Variants in FKBP15 observed in about 807,000 individuals in gnomAD.
FKBP15 encodes the protein FK506-binding protein 15.
FKBP15 carries 106 observed loss-of-function variants against 158.1 expected under a neutral mutation model. The ratio of observed to expected loss-of-function variants is 0.67; its 90% confidence interval spans 0.57 to 0.79. The LOEUF (loss-of-function observed/expected upper bound fraction) is 0.79. Ranked by LOEUF, FKBP15 falls within the 30% of genes least tolerant of loss-of-function variation. The pLI is 0.00. For missense variants in FKBP15, 1,287 were observed against 1,479.1 expected, an observed-to-expected ratio of 0.87 and a Z score of 2.13; for synonymous variants, 547 against 548.6, an observed-to-expected ratio of 1.00 and a Z score of 0.04.
At chr9:113,212,377 C>T (rs10817459) in intron 1 of FKBP15, among the ~76,000 whole-genome samples, 11,633 of 151,906 alleles carry the variant, frequency 0.077, 556 homozygotes, top group South Asian at 0.14. Context: ...TTAGTAGAGA[C>T]GGGGTTTCAC....
At position 113,169,748 on chromosome 9, in the gene FKBP15, C is replaced by T. The variant is rs1341401555; in HGVS notation, c.2961G>A (p.Val987=). ...PESPMVPSEQ[V]VEEAVPLPPQ... ...GAGGCAACGGGACAGCTTCCTCGAC[C>T]ACCTGCTCTGAGGGCACCATGGGGG... Residue 987 remains valine (V), a synonymous_variant, in exon 26 of 28, where the codon GTG becomes GTA. Coordinates refer to ENST00000238256, the MANE Select transcript of FKBP15 (RefSeq NM_015258.2). The T allele has an allele frequency of 1.9e-6, 3 of 1,611,512 alleles. No homozygotes were observed. The highest frequency in any genetic ancestry group is 1.3e-5 in the African/African-American group (1 of 74,884).
chr9:113,187,756 AT>A, intron 14 of FKBP15, 36 bp downstream of exon 14: 1 of 1,504,608 alleles, frequency 6.6e-7, no homozygotes, highest in African/African-American at 1.4e-5. Flanking sequence ...ACCACAGCAA[AT>A]TATAGGATAT....
rs1830018031 is a variant in FKBP15, at chr9:113,161,786, C to T, written c.*4292G>A. The T allele has an allele frequency of 1.4e-6, 2 of 1,422,532 alleles. No homozygotes were observed. The highest frequency in any genetic ancestry group is 9.8e-7 in the Non-Finnish European group (1 of 1,016,874). 88.1% of individuals were successfully genotyped at this position (1,422,532 alleles called of 1,614,324 possible). A position where few individuals can be genotyped will look rare whatever the true frequency, so the allele number is the denominator to read the frequency against. On this transcript the variant is annotated 3_prime_UTR_variant, in exon 28 of 28. Transcript: ENST00000238256. The stretch of plus-strand genomic sequence containing the variant: ...CCCAGACAGCATTAGCCCCACTTCA[C>T]AGAGAGGACAGCGAGGCCCAGGGAA...
chr9:113,163,127 G>A lies in FKBP15; in HGVS notation c.*2951C>T. The A allele has an allele frequency of 2.1e-6, 1 of 465,246 alleles. No homozygotes were observed. Among genetic ancestry groups the A allele is most frequent in the Admixed American group, 3.9e-5 (1 of 25,646 alleles). The allele number at this position is 465,246 out of a possible 1,614,324, so 28.8% of individuals were successfully genotyped here. The stretch of plus-strand genomic sequence containing the variant: ...CTCAGCCAGCCTACGTAGGGCCCAG[G>A]CATGGTCTTGTGTCTTAAGACAGCT... On this transcript the variant is annotated 3_prime_UTR_variant, in exon 28 of 28. Coordinates refer to ENST00000238256, the MANE Select transcript of FKBP15 (RefSeq NM_015258.2).
intron 21 of FKBP15, among the ~76,000 whole-genome samples, chr9:113,176,149 T>C (rs533856128): frequency 2.0e-5 from 3 of 152,328 alleles, no homozygotes; most frequent in African/African-American, 7.2e-5. Flanking sequence ...CAAATTATGG[T>C]ACAGCCTCAT....
chr9:113,169,491 T>A lies in FKBP15; in HGVS notation c.3218A>T (p.Asn1073Ile), dbSNP rs1830164800. ...AASPMAAKPD[N>I]PSGKVCVREV... ...CCTGACACAGACCTTTCCTGATGGGTTGTCGGGCTTAGCTGCCATTGGGCT... is the reference window on the plus strand; with the variant it reads ...CCTGACACAGACCTTTCCTGATGGGATGTCGGGCTTAGCTGCCATTGGGCT... Residue 1073 changes from asparagine (N) to isoleucine (I), a missense_variant, in exon 26 of 28, where the codon AAC becomes ATC. Asn to Ile is a moderately radical substitution (Grantham distance 149, BLOSUM62 -3). Transcript: ENST00000238256. The A allele has an allele frequency of 3.1e-6, 5 of 1,613,884 alleles. No individual in the cohort carries two copies. In the East Asian group the frequency reaches 1.1e-4, roughly 36 times the overall value.
chr9:113,208,266 G>A (rs1436453983), intron 2 of FKBP15, among the ~76,000 whole-genome samples: 1 of 152,126 alleles, frequency 6.6e-6, no homozygotes. Flanking sequence ...GAGCCTGGGA[G>A]GCAGAGGTTG....
At chr9:113,202,844 C>T (rs1383999492) in intron 5 of FKBP15, 117 bp downstream of exon 5, 3 of 898,622 alleles carry the variant, frequency 3.3e-6, no homozygotes, top group Non-Finnish European at 5.2e-6. Flanking sequence ...GTTAGATACT[C>T]ACAAGGACAC....
chr9:113,181,551 T>G (rs1169391800), intron 19 of FKBP15, among the ~76,000 whole-genome samples: 1 of 152,188 alleles, frequency 6.6e-6, no homozygotes, highest in Non-Finnish European at 1.5e-5. Flanking sequence ...CTAGATAAAC[T>G]AAATTAGAAT....
intron 12 of FKBP15, among the ~76,000 whole-genome samples, chr9:113,189,820 A>G (rs1314284363): frequency 1.3e-5 from 2 of 152,198 alleles, no homozygotes; most frequent in Non-Finnish European, 2.9e-5. Flanking sequence ...GTTAAAATTA[A>G]GTTACTTTAT....
Position 113,199,919 on chromosome 9 carries a change from C to T in FKBP15, c.543G>A (p.Val181=), listed in dbSNP as rs1229214163. 6.2e-7 allele frequency: 1 copy of T among 1,613,390 alleles called. No individual in the cohort carries two copies. Among genetic ancestry groups the T allele is most frequent in the Non-Finnish European group, 8.5e-7 (1 of 1,179,630 alleles). The part of the protein sequence containing the change: ...KCNSTSSLDA[V]LSQDLIVADG... ...CTGCCACAATGAGGTCCTGGGAGAG[C>T]ACTGCATCCAGGGAAGAGGTACTGT... Residue 181 remains valine, a synonymous_variant, in exon 7 of 28, where the codon GTG becomes GTA. Coordinates refer to ENST00000238256, the MANE Select transcript of FKBP15 (RefSeq NM_015258.2).
intron 4 of FKBP15, among the ~76,000 whole-genome samples, chr9:113,203,567 G>C (rs1264637864): frequency 6.7e-6 from 1 of 149,454 alleles, no homozygotes; most frequent in East Asian, 2.0e-4. Context: ...TCTCTCTGTC[G>C]CCCAGGCTGG....
intron 24 of FKBP15, 138 bp from the exon 25 acceptor site, chr9:113,170,767 A>G: frequency 1.4e-6 from 1 of 695,872 alleles, no homozygotes; most frequent in Non-Finnish European, 2.6e-6. Context: ...AAGCAGAGAC[A>G]CTGAAGGCTG....
At chr9:113,192,941 G>A (rs752734823) in intron 11 of FKBP15, among the ~76,000 whole-genome samples, 34 of 152,132 alleles carry the variant, frequency 2.2e-4, no homozygotes, top group Non-Finnish European at 3.7e-4. Context: ...AGGCTCCTCC[G>A]TCAGTTGAAC....
chr9:113,200,259 G>A (rs1830762868), intron 6 of FKBP15, among the ~76,000 whole-genome samples: 1 of 152,172 alleles, frequency 6.6e-6, no homozygotes, highest in African/African-American at 2.4e-5. Context: ...AATCTCATAG[G>A]ATGGTTATGA....
intron 13 of FKBP15, among the ~76,000 whole-genome samples, 175 bp downstream of exon 13, chr9:113,188,214 C>T (rs1363785681): frequency 2.0e-5 from 3 of 152,220 alleles, no homozygotes; most frequent in African/African-American, 4.8e-5. Context: ...CAGCCAGGTC[C>T]ATCTCTGGGT....
rs1454231341 is a variant in FKBP15, at chr9:113,169,791, T to C, written c.2918A>G (p.Asn973Ser). 1.3e-6 allele frequency: 2 copies of C among 1,590,756 alleles called. No individual in the cohort carries two copies. Among genetic ancestry groups the C allele is most frequent in the South Asian group, 2.3e-5 (2 of 87,840 alleles). Residue 973 changes from asparagine to serine, a missense_variant, in exon 26 of 28, where the codon AAT (asparagine) becomes AGT (serine). By Grantham distance (46) the Asn-to-Ser change is conservative. Transcript: ENST00000238256. The stretch of plus-strand genomic sequence containing the variant: ...CATGGGGGACTCTGGCCTCTCCCTA[T>C]TCAGGGGTGCTTGAGGCTGCCCAGA... ...ASSGQPQAPL[N>S]RERPESPMVP...
chr9:113,215,175 T>C (rs1831093995), intron 1 of FKBP15, among the ~76,000 whole-genome samples: 2 of 152,350 alleles, frequency 1.3e-5, no homozygotes, highest in Middle Eastern at 3.4e-3. Context: ...TATGGCTAAC[T>C]GGCACAAGAG....
Position 113,178,756 on chromosome 9 carries a change from G to T in FKBP15, c.1960C>A (p.His654Asn), listed in dbSNP as rs1208580860. 2 of 1,609,624 alleles carry T rather than the reference G, an allele frequency of 1.2e-6. No individual in the cohort carries two copies. The highest frequency in any genetic ancestry group is 1.3e-5 in the African/African-American group (1 of 74,824). The change falls in exon 20 of 28, where the codon CAT becomes AAT. Residue 654 changes from histidine to asparagine, a missense_variant. Physicochemically the swap from His to Asn is moderately conservative, Grantham distance 68. Transcript: ENST00000238256. ...TGAGCAGTCATTTTCAGCTGCAGAT[G>T]AGAGACCTGTGCAGTGGCCGCTGCT... is the stretch of plus-strand genomic sequence containing the variant. The part of the protein sequence containing the change: ...ELAAATAQVS[H>N]LQLKMTAHQK...
Sources: gnomAD v4.1 joint callset for allele counts (sites outside exome capture counted in the v4.1 genomes callset) on GRCh38, gnomAD v4.1.1 for gene constraint, MANE v1.5 for transcripts, NCBI Gene and HGNC (gene_info 2026-07-23, HGNC 2026-07-21) for gene names.